Variants in HESX1 observed in about 807,000 individuals in gnomAD.
HESX1 encodes the protein HESX homeobox 1.
A neutral mutation model predicts 22.5 loss-of-function variants in HESX1; 11 were observed. The ratio of observed to expected loss-of-function variants is 0.49; its 90% CI spans 0.31 to 0.81. The LOEUF (loss-of-function observed/expected upper bound fraction) is 0.81. Ranked by LOEUF, HESX1 falls within the 30% of genes least tolerant of loss-of-function variation. The probability of loss-of-function intolerance (pLI) is 0.05; values close to 1 mark genes in which losing one functional copy is unlikely to be tolerated. For synonymous variants in HESX1, 74 were observed against 76.5 expected, an observed-to-expected ratio of 0.97 and a Z score of 0.17; for missense variants, 201 against 212.6, an observed-to-expected ratio of 0.95 and a Z score of 0.34.
intron 1 of HESX1, among the ~76,000 whole-genome samples, chr3:57,199,296 C>T (rs570419343): frequency 6.6e-6 from 1 of 152,208 alleles, no homozygotes; most frequent in East Asian, 1.9e-4. Context: ...CTTTTAATTT[C>T]CCATAGGACT....
At chr3:57,200,079 T>A (rs1296101795), upstream of HESX1, 2 of 666,404 alleles carry the variant, frequency 3.0e-6, no homozygotes, top group Non-Finnish European at 5.4e-6. Flanking sequence ...AGTTTTAGCA[T>A]GTCAATGAAC....
chr3:57,217,646 T>C (rs1208262966), intron 1 of HESX1, among the ~76,000 whole-genome samples: 1 of 152,152 alleles, frequency 6.6e-6, no homozygotes, highest in African/African-American at 2.4e-5. Flanking sequence ...CACCTTGCTC[T>C]GAGGTATAAG....
At chr3:57,208,232 C>CT (rs2060530786) in intron 1 of HESX1, among the ~76,000 whole-genome samples, 1 of 152,146 alleles carries the variant, frequency 6.6e-6, no homozygotes, top group African/African-American at 2.4e-5. Flanking sequence ...GATTGGTACT[C>CT]TAAAATTTGT....
At chr3:57,227,531 A>C (rs1471529902), upstream of HESX1, among the ~76,000 whole-genome samples, 1 of 152,330 alleles carries the variant, frequency 6.6e-6, no homozygotes, top group South Asian at 2.1e-4. Flanking sequence ...TGCGATTTAG[A>C]TACAAACGCG....
At chr3:57,208,979 G>C (rs2060535986) in intron 1 of HESX1, among the ~76,000 whole-genome samples, 1 of 151,750 alleles carries the variant, frequency 6.6e-6, no homozygotes, top group South Asian at 2.1e-4. Flanking sequence ...GAAAAAAAAT[G>C]CATAAAACAT....
chr3:57,202,058 A>C (rs1470530752), upstream of HESX1, among the ~76,000 whole-genome samples: 2 of 151,632 alleles, frequency 1.3e-5, no homozygotes. Context: ...AGCTGGGACT[A>C]CAGGCGCCCG....
chr3:57,208,236 A>G (rs187279964), intron 1 of HESX1, among the ~76,000 whole-genome samples: 202 of 152,326 alleles, frequency 1.3e-3, no homozygotes, highest in African/African-American at 4.6e-3. Flanking sequence ...GGTACTCTAA[A>G]ATTTGTTCAC....
At chr3:57,200,358 G>A (rs1478690069), upstream of HESX1, among the ~76,000 whole-genome samples, 1 of 152,168 alleles carries the variant, frequency 6.6e-6, no homozygotes, top group Non-Finnish European at 1.5e-5. Flanking sequence ...CAAGATACGA[G>A]AGCAGTCGAG....
chr3:57,220,752 A>G (rs959170869), intron 1 of HESX1, among the ~76,000 whole-genome samples: 1 of 152,062 alleles, frequency 6.6e-6, no homozygotes, highest in East Asian at 1.9e-4. Context: ...ATTATATAGT[A>G]TATCACCAAT....
At chr3:57,217,816 T>C (rs1273427690) in intron 1 of HESX1, among the ~76,000 whole-genome samples, 1 of 152,110 alleles carries the variant, frequency 6.6e-6, no homozygotes, top group African/African-American at 2.4e-5. Flanking sequence ...TCACCCCACT[T>C]TTGTTCCAAC....
chr3:57,199,955 C>T lies in HESX1; in HGVS notation c.-37G>A. The T allele has an allele frequency of 6.2e-7, 1 of 1,603,278 alleles. No individual in the cohort carries two copies. The highest frequency in any genetic ancestry group is 8.5e-7 in the Non-Finnish European group (1 of 1,170,974). On this transcript the variant is annotated 5_prime_UTR_variant, in exon 1 of 4. Transcript: ENST00000295934. ...CTGCACAGAGCAACAGCTCTGGCCT[C>T]TGCTGGCTCTGCCCCACGTGTATAG...
intron 1 of HESX1, among the ~76,000 whole-genome samples, chr3:57,215,851 C>T (rs553053917): frequency 1.1e-4 from 16 of 152,010 alleles, no homozygotes; most frequent in South Asian, 1.0e-3. Flanking sequence ...TCATGTTCAA[C>T]GGTCTATTCA....
chr3:57,201,018 C>T (rs1178757002), upstream of HESX1, among the ~76,000 whole-genome samples: 8 of 152,186 alleles, frequency 5.3e-5, no homozygotes, highest in African/African-American at 1.9e-4. Context: ...CTCTGCTCCT[C>T]CTCTTCTTCC....
At chr3:57,198,627 A>G in intron 2 of HESX1, 126 bp downstream of exon 2, 2 of 1,040,816 alleles carry the variant, frequency 1.9e-6, no homozygotes. Context: ...AATTGTTAAA[A>G]TATGGTAGTC....
chr3:57,198,564 C>T (rs1347448201), intron 2 of HESX1, 72 bp from the exon 3 acceptor site: 25 of 1,086,830 alleles, frequency 2.3e-5, no homozygotes, highest in Non-Finnish European at 3.1e-5. Context: ...AAAATGACTA[C>T]ATTTAAATCT....
intron 1 of HESX1, among the ~76,000 whole-genome samples, chr3:57,206,582 C>T (rs1028040): frequency 0.37 from 55,579 of 152,078 alleles, 12,291 homozygotes; most frequent in East Asian, 0.92. Flanking sequence ...AACCAGTAAC[C>T]AAGCACTGAA....
intron 1 of HESX1, among the ~76,000 whole-genome samples, chr3:57,199,228 G>T (rs906350789): frequency 6.6e-6 from 1 of 152,162 alleles, no homozygotes; most frequent in Non-Finnish European, 1.5e-5. Flanking sequence ...GTAAATGCAG[G>T]TTCTTGGGAT....
intron 1 of HESX1, among the ~76,000 whole-genome samples, chr3:57,206,356 G>C (rs1212286570): frequency 1.3e-5 from 2 of 152,144 alleles, no homozygotes; most frequent in African/African-American, 4.8e-5. Flanking sequence ...TGGCAGCTTT[G>C]GCAAGCCTAA....
intron 1 of HESX1, among the ~76,000 whole-genome samples, chr3:57,218,439 C>CTTTTTTTT (rs60734023): frequency 2.0e-5 from 2 of 102,266 alleles, no homozygotes; most frequent in African/African-American, 6.9e-5. Context: ...TGATCTCATT[C>CTTTTTTTT]TTTTTTTTTT....
Sources: allele counts gnomAD v4.1 joint callset (sites outside exome capture counted in the v4.1 genomes callset), GRCh38; gene constraint gnomAD v4.1.1; transcripts MANE v1.5; gene names NCBI Gene and HGNC (gene_info 2026-07-23, HGNC 2026-07-21).